Variants in NEDD9 observed in about 807,000 individuals in gnomAD.
NEDD9 encodes the protein neural precursor cell expressed, developmentally down-regulated 9.
Under a neutral mutation model 76.6 loss-of-function variants are expected in NEDD9, and 26 were observed. The observed-to-expected ratio is 0.34, with a 90% CI of 0.25 to 0.47. The LOEUF (loss-of-function observed/expected upper bound fraction) is 0.47, where lower values mean the gene tolerates loss of function less well. NEDD9 is among the 20% of genes least tolerant of loss of function. The pLI, the probability that NEDD9 is intolerant of heterozygous loss-of-function variation, is 1.00. For synonymous variants in NEDD9, 392 were observed against 414.2 expected, an observed-to-expected ratio of 0.95 and a Z score of 0.65; for missense variants, 937 against 1,058.5, an observed-to-expected ratio of 0.89 and a Z score of 1.59.
intron 2 of NEDD9, chr6:11,199,617 G>A (rs1758378475): frequency 8.1e-6 from 1 of 122,808 alleles, no homozygotes; most frequent in Non-Finnish European, 1.7e-5. Context: ...TTAAAAAAAT[G>A]AAGAAAAGCT....
chr6:11,196,860 G>T (rs1758307037), intron 2 of NEDD9, among the ~76,000 whole-genome samples: 2 of 152,060 alleles, frequency 1.3e-5, no homozygotes, highest in Non-Finnish European at 2.9e-5. Flanking sequence ...CAGGGAGCTC[G>T]AAGTCTTCTA....
At chr6:11,363,476 T>TG (rs969303263) in intron 1 of NEDD9, among the ~76,000 whole-genome samples, 18 of 151,962 alleles carry the variant, frequency 1.2e-4, no homozygotes, top group African/African-American at 1.7e-4. Context: ...CCTCATGGAA[T>TG]GGGGGGGAAG....
chr6:11,339,687 G>A (rs1762237108), intron 1 of NEDD9, among the ~76,000 whole-genome samples: 1 of 152,182 alleles, frequency 6.6e-6, no homozygotes, highest in South Asian at 2.1e-4. Context: ...CCTTTGATTA[G>A]CGTATTCATT....
chr6:11,255,984 A>G (rs67887096), intron 3 of NEDD9, among the ~76,000 whole-genome samples: 20,975 of 152,092 alleles, frequency 0.14, 1,594 homozygotes, highest in African/African-American at 0.19. Flanking sequence ...GGAGGAATAC[A>G]GGAGTAACAC....
chr6:11,246,871 TA>T (rs1372358843), intron 3 of NEDD9, among the ~76,000 whole-genome samples: 2 of 152,134 alleles, frequency 1.3e-5, no homozygotes, highest in Non-Finnish European at 2.9e-5. Flanking sequence ...TTACGTGACT[TA>T]GGATGCAGGA....
rs909418336 is a variant in NEDD9 at position 11,273,489 on chromosome 6, G to A, written c.12+32503C>T. On this transcript the variant is annotated intron_variant, in intron 3 of 3. Transcript: ENST00000397378. ...AACCTGAATCATGACAAGTGCCACCGATGCTGAGGTGCGAACGGCCGGGGA... is the reference window on the plus strand; with the variant it reads ...AACCTGAATCATGACAAGTGCCACCAATGCTGAGGTGCGAACGGCCGGGGA... Among the ~76,000 whole-genome samples, 5 of 152,348 alleles carry A rather than the reference G, an allele frequency of 3.3e-5. No homozygotes were observed. In the East Asian group the frequency reaches 5.8e-4, roughly 18 times the overall value.
At chr6:11,271,431 A>G (rs188273856) in intron 3 of NEDD9, 8 of 152,364 alleles carry the variant, frequency 5.3e-5, no homozygotes, top group Admixed American at 5.2e-4. Flanking sequence ...TTGTTGCAGA[A>G]AGATCTGGTA....
Position 11,191,046 on chromosome 6 carries a change from G to C in NEDD9, c.823C>G (p.Leu275Val). 1 of 1,614,000 alleles carries C rather than the reference G, an allele frequency of 6.2e-7. No individual in the cohort carries two copies. Among genetic ancestry groups the C allele is most frequent in the South Asian group, 1.1e-5 (1 of 91,074 alleles). ...PTCTKPAGKD[L>V]HVKYNCDIPG... ...ATGTCACAGTTGTATTTTACATGAA[G>C]GTCCTTCCCTGCTGGCTTGGTGCAG... Residue 275 changes from leucine to valine, a missense_variant, in exon 5 of 7, where the codon CTT (leucine) becomes GTT (valine). Transcript: ENST00000379446.
intron 1 of NEDD9, among the ~76,000 whole-genome samples, chr6:11,354,206 C>T (rs1451924231): frequency 6.6e-6 from 1 of 152,244 alleles, no homozygotes; most frequent in East Asian, 1.9e-4. Context: ...AGCTCTGGGG[C>T]TATTTATTCT....
intron 3 of NEDD9, among the ~76,000 whole-genome samples, chr6:11,255,123 G>C (rs1022063862): frequency 5.3e-5 from 8 of 152,210 alleles, no homozygotes; most frequent in Admixed American, 1.3e-4. Flanking sequence ...AGTAGGAGAT[G>C]AGAGAAGGGT....
At chr6:11,266,406 C>T (rs1168637118) in intron 3 of NEDD9, among the ~76,000 whole-genome samples, 2 of 152,098 alleles carry the variant, frequency 1.3e-5, no homozygotes, top group African/African-American at 2.4e-5. Context: ...GGCAACTCCA[C>T]AATAAATAAT....
intron 3 of NEDD9, among the ~76,000 whole-genome samples, chr6:11,240,264 G>A (rs1759687401): frequency 6.6e-6 from 1 of 152,052 alleles, no homozygotes; most frequent in Non-Finnish European, 1.5e-5. Context: ...GCGACGCGGT[G>A]GGTCTCCACA....
intron 2 of NEDD9, among the ~76,000 whole-genome samples, chr6:11,306,552 G>A (rs1172641600): frequency 6.6e-6 from 1 of 152,202 alleles, no homozygotes; most frequent in African/African-American, 2.4e-5. Flanking sequence ...TAGTAGAGGT[G>A]AGAGTGAAAT....
At chr6:11,290,651 C>G (rs966054302) in intron 3 of NEDD9, among the ~76,000 whole-genome samples, 4 of 152,190 alleles carry the variant, frequency 2.6e-5, no homozygotes, top group Non-Finnish European at 5.9e-5. Context: ...AGCTGTACCT[C>G]GAGACCAAAT....
chr6:11,360,884 C>G (rs1401584072), intron 1 of NEDD9, among the ~76,000 whole-genome samples: 2 of 152,180 alleles, frequency 1.3e-5, no homozygotes, highest in Non-Finnish European at 2.9e-5. Flanking sequence ...TCCTCATATT[C>G]TGCGGACAAT....
intron 1 of NEDD9, among the ~76,000 whole-genome samples, chr6:11,356,032 A>G (rs1762569910): frequency 6.6e-6 from 1 of 152,060 alleles, no homozygotes; most frequent in South Asian, 2.1e-4. Context: ...AGAGCTCTAG[A>G]TTTTTACTAA....
chr6:11,359,932 A>G (rs1762648592), intron 1 of NEDD9, among the ~76,000 whole-genome samples: 1 of 152,254 alleles, frequency 6.6e-6, no homozygotes, highest in Non-Finnish European at 1.5e-5. Context: ...TGTCAAAAAA[A>G]TAAAACAAGG....
chr6:11,330,350 A>G (rs1020789520), intron 2 of NEDD9, among the ~76,000 whole-genome samples: 2 of 152,204 alleles, frequency 1.3e-5, no homozygotes, highest in African/African-American at 4.8e-5. Context: ...GCTGTTGCTA[A>G]TTTAATATGA....
chr6:11,352,964 C>T lies in NEDD9; in HGVS notation c.-213-18403G>A, dbSNP rs191918229. On this transcript the variant is annotated intron_variant, in intron 1 of 3. Transcript: ENST00000397378. Reference sequence around the variant, plus strand: ...AAAAGCACATGTGGCACACAGTAGGCTCTTCAAGCACAAATGTGTCCTTGG... The same window carrying T: ...AAAAGCACATGTGGCACACAGTAGGTTCTTCAAGCACAAATGTGTCCTTGG... Among the ~76,000 whole-genome samples the T allele has an allele frequency of 8.9e-4, 136 of 152,362 alleles. 1 individual carries two copies. Among genetic ancestry groups the T allele is most frequent in the Non-Finnish European group, 2.6e-4 (18 of 68,026 alleles).
Sources: allele counts gnomAD v4.1 joint callset (sites outside exome capture counted in the v4.1 genomes callset), GRCh38; gene constraint gnomAD v4.1.1; transcripts MANE v1.5; gene names NCBI Gene and HGNC (gene_info 2026-07-23, HGNC 2026-07-21).